MTMR3: variants seen among roughly 807,000 people sequenced by gnomAD.
MTMR3 encodes the protein myotubularin related protein 3.
A neutral mutation model predicts 132.4 loss-of-function variants in MTMR3; 32 were observed. The ratio of observed to expected loss-of-function variants is 0.24; its 90% CI spans 0.18 to 0.32. MTMR3 has a LOEUF of 0.32. Among genes scored for constraint, MTMR3 ranks in the 10% least tolerant of loss-of-function variants. The pLI is 1.00. For synonymous variants in MTMR3, 556 were observed against 550.3 expected (o/e 1.01, Z -0.14); for missense variants, 1,216 against 1,489.6 (o/e 0.82, Z 3.02).
intron 8 of MTMR3, chr22:29,999,530 A>T (rs2067126125): frequency 6.6e-6 from 1 of 152,228 alleles, no homozygotes; most frequent in Non-Finnish European, 1.5e-5. Context: ...CTGTGACTTG[A>T]CTGTGACCCA....
intron 17 of MTMR3, chr22:30,021,741 C>A (rs1482136248): frequency 5.5e-6 from 2 of 365,668 alleles, no homozygotes; most frequent in Non-Finnish European, 1.0e-5. Flanking sequence ...ATACAGAATT[C>A]TCATTCCATT....
chr22:29,902,557 TG>T (rs1200804385), intron 1 of MTMR3, among the ~76,000 whole-genome samples: 2 of 151,948 alleles, frequency 1.3e-5, no homozygotes, highest in East Asian at 1.9e-4. Context: ...TTAGTAGAGA[TG>T]GGGTTTCACG....
chr22:29,954,447 C>T (rs184825503), intron 1 of MTMR3, among the ~76,000 whole-genome samples: 231 of 152,000 alleles, frequency 1.5e-3, no homozygotes, highest in Admixed American at 4.1e-3. Flanking sequence ...TTAATTTGCT[C>T]GCAATGTTTC....
At chr22:29,945,592 C>G (rs551599180) in intron 1 of MTMR3, among the ~76,000 whole-genome samples, 8 of 151,626 alleles carry the variant, frequency 5.3e-5, no homozygotes, top group Non-Finnish European at 8.8e-5. Flanking sequence ...GTGGTCCCAG[C>G]TACTTGGGAG....
intron 1 of MTMR3, among the ~76,000 whole-genome samples, chr22:29,896,680 C>T (rs1468154967): frequency 2.0e-5 from 3 of 151,806 alleles, no homozygotes; most frequent in South Asian, 2.1e-4. Context: ...GCAAAAAATA[C>T]GTTATTAGCA....
At position 29,965,896 on chromosome 22, in the gene MTMR3, CA is replaced by C. The variant is rs147207154; in HGVS notation, c.-84-5079del. On this transcript the variant is annotated intron_variant, in intron 2 of 19. Transcript: ENST00000401950. Reference sequence around the variant, plus strand: ...TCTGAAAAAAATCTGAAAGACGTAACAGTGCATATTGATAGGCTTACTGTAT... The same window carrying C: ...TCTGAAAAAAATCTGAAAGACGTAACGTGCATATTGATAGGCTTACTGTAT... Among the ~76,000 whole-genome samples the C allele has an allele frequency of 4.5e-3, 681 of 152,160 alleles. 6 individuals are homozygous for C. Among genetic ancestry groups the C allele is most frequent in the African/African-American group, 0.015 (643 of 41,506 alleles).
rs1331142502 is a variant in MTMR3 at position 29,998,783 on chromosome 22, T to A, written c.483T>A (p.Phe161Leu). ...TAGGGGAGCATGTAACTTCAAGGTT[T>A]AAAAACGAGGTGGAGAGGATGGGTT... ...CRPGEHVTSR[F>L]KNEVERMGFD... is the part of the protein sequence containing the mutation. Residue 161 changes from phenylalanine to leucine, a missense_variant, in exon 8 of 20, where the codon TTT becomes TTA. By Grantham distance (22) the Phe-to-Leu change is conservative (BLOSUM62 0). Transcript: ENST00000401950. The A allele has an allele frequency of 6.2e-7, 1 of 1,613,012 alleles. No homozygotes were observed. The highest frequency in any genetic ancestry group is 8.5e-7 in the Non-Finnish European group (1 of 1,179,484).
Position 30,013,391 on chromosome 22 carries a change from T to A in MTMR3, c.1353T>A (p.Asp451Glu). ...FQVLVEMEWL[D>E]FGHKFADRCG... ...TCCTCGTGGAAATGGAGTGGCTGGA[T>A]TTTGGCCATAAATTTGCTGACCGGT... The change falls in exon 14 of 20, where the codon GAT becomes GAA. Residue 451 changes from aspartate to glutamate, a missense_variant. By Grantham distance (45) the Asp-to-Glu change is conservative. Around this residue, in one of 7 missense-constraint regions of MTMR3, gnomAD observed 106 missense variants for 209.5 expected, o/e 0.51. Transcript: ENST00000401950. 1.2e-6 allele frequency: 2 copies of A among 1,613,910 alleles called. No homozygotes were observed. The highest frequency in any genetic ancestry group is 1.7e-6 in the Non-Finnish European group (2 of 1,179,850).
At chr22:30,010,978 G>T (rs1698497494) in intron 12 of MTMR3, 1 of 152,174 alleles carries the variant, frequency 6.6e-6, no homozygotes, top group South Asian at 2.1e-4. Context: ...CATAGTGTTA[G>T]CCCTCTGAGG....
At chr22:29,957,564 G>C (rs1399844952) in intron 2 of MTMR3, among the ~76,000 whole-genome samples, 1 of 151,954 alleles carries the variant, frequency 6.6e-6, no homozygotes, top group Non-Finnish European at 1.5e-5. Context: ...CAATCCTCCT[G>C]CCTCCGCCTC....
chr22:29,962,749 C>G (rs187866160), intron 2 of MTMR3, among the ~76,000 whole-genome samples: 141 of 152,262 alleles, frequency 9.3e-4, no homozygotes, highest in African/African-American at 3.3e-3. Flanking sequence ...CTGGCACCCA[C>G]TAATCTGCTT....
chr22:30,007,418 A>G (rs1405189181), intron 10 of MTMR3, 99 bp downstream of exon 10: 3 of 1,206,864 alleles, frequency 2.5e-6, no homozygotes, highest in East Asian at 2.5e-5. Flanking sequence ...TTACTTTTAT[A>G]GAAGTGAATG....
chr22:29,913,166 T>C (rs4823064), intron 1 of MTMR3, among the ~76,000 whole-genome samples: 9,023 of 152,136 alleles, frequency 0.059, 505 homozygotes, highest in South Asian at 0.24. Context: ...GAGAGTTGCT[T>C]GAGCCCAGGA....
At chr22:29,907,326 C>T (rs183213478) in intron 1 of MTMR3, among the ~76,000 whole-genome samples, 13 of 151,826 alleles carry the variant, frequency 8.6e-5, no homozygotes, top group Admixed American at 3.9e-4. Context: ...GGTGTGAACC[C>T]GGGAGGCAGA....
At chr22:29,925,558 T>TAAA (rs528978801) in intron 1 of MTMR3, among the ~76,000 whole-genome samples, 2 of 142,970 alleles carry the variant, frequency 1.4e-5, no homozygotes, top group African/African-American at 2.5e-5. Context: ...TTGTTTTCTT[T>TAAA]AAAAAAAAAA....
intron 1 of MTMR3, among the ~76,000 whole-genome samples, chr22:29,905,062 G>A (rs2065070277): frequency 6.6e-6 from 1 of 152,178 alleles, no homozygotes; most frequent in African/African-American, 2.4e-5. Context: ...TCAGAATGGA[G>A]TAAGAAGCTT....
At chr22:29,908,960 A>G (rs2065153015) in intron 1 of MTMR3, among the ~76,000 whole-genome samples, 1 of 143,522 alleles carries the variant, frequency 7.0e-6, no homozygotes, top group Admixed American at 7.2e-5. Flanking sequence ...GAAATATGTT[A>G]ATTTTTCTTT....
Position 30,019,801 on chromosome 22 carries a change from A to G in MTMR3, c.2142A>G (p.Ile714Met). The change falls in exon 17 of 20, where the codon ATA becomes ATG. Residue 714 changes from isoleucine to methionine, a missense_variant. Around this residue, in one of 7 missense-constraint regions of MTMR3, gnomAD observed 852 missense variants for 852.0 expected, o/e 1.00. Transcript: ENST00000401950. ...EEPAHRAGIE[I>M]QEGKEDPLLE... is the part of the protein sequence containing the mutation. Reference sequence around the variant, plus strand: ...CTGCCCACAGGGCAGGCATTGAGATACAGGAGGGTAAAGAGGACCCTCTCT... The same window carrying G: ...CTGCCCACAGGGCAGGCATTGAGATGCAGGAGGGTAAAGAGGACCCTCTCT... 2 of 1,614,196 alleles carry G rather than the reference A, an allele frequency of 1.2e-6. No individual in the cohort carries two copies. The highest frequency in any genetic ancestry group is 2.2e-5 in the East Asian group (1 of 44,884).
At chr22:29,947,936 G>C (rs2065983133) in intron 1 of MTMR3, among the ~76,000 whole-genome samples, 1 of 152,144 alleles carries the variant, frequency 6.6e-6, no homozygotes, top group Non-Finnish European at 1.5e-5. Flanking sequence ...TGCTTTGAAA[G>C]GGTAGGTATT....
Sources: allele counts gnomAD v4.1 joint callset (sites outside exome capture counted in the v4.1 genomes callset), GRCh38; gene constraint gnomAD v4.1.1; regional missense constraint gnomAD v4.1.1; transcripts MANE v1.5; gene names NCBI Gene and HGNC (gene_info 2026-07-23, HGNC 2026-07-21).